XRCC1: variants seen among roughly 807,000 people sequenced by gnomAD.
The protein encoded by XRCC1 is DNA repair protein XRCC1.
In XRCC1, 52 loss-of-function variants were observed where a neutral mutation model predicts 83.3. That is an observed-to-expected ratio of 0.62 (90% CI 0.50 to 0.79). The LOEUF (loss-of-function observed/expected upper bound fraction) is 0.79. Among genes scored for constraint, XRCC1 ranks in the 30% least tolerant of loss-of-function variants. The pLI, the probability that XRCC1 is intolerant of heterozygous loss-of-function variation, is 0.00. For missense variants in XRCC1, 793 were observed against 823.5 expected, an observed-to-expected ratio of 0.96 and a Z score of 0.45; for synonymous variants, 281 against 312.6, an observed-to-expected ratio of 0.90 and a Z score of 1.07.
chr19:43,543,765 TG>T, intron 15 of XRCC1, 78 bp from the exon 16 acceptor site: 1 of 1,375,164 alleles, frequency 7.3e-7, no homozygotes. Context: ...CCACTCTCAA[TG>T]GCTGTCCCCA....
intron 10 of XRCC1, among the ~76,000 whole-genome samples, chr19:43,551,279 G>C (rs1227724665): frequency 1.3e-5 from 2 of 152,212 alleles, no homozygotes; most frequent in Non-Finnish European, 2.9e-5. Context: ...CACTTTGAAT[G>C]AATGAATATG....
Position 43,554,566 on chromosome 19 carries a change from C to T in XRCC1, c.414+80G>A, listed in dbSNP as rs1240267972. On this transcript the variant is annotated intron_variant, in intron 4 of 16. Coordinates refer to ENST00000262887, the MANE Select transcript of XRCC1 (RefSeq NM_006297.3). ...CACCAGCTGTCTACTCCTCCCAGCC[C>T]TATGGGACTCAATATTGGCCCTTAT... 23 of 1,505,306 alleles carry T rather than the reference C, an allele frequency of 1.5e-5. No individual in the cohort carries two copies. In the East Asian group the frequency reaches 4.7e-4, roughly 30 times the overall value. 93.2% of individuals were successfully genotyped at this position (1,505,306 alleles called of 1,614,324 possible).
chr19:43,571,232 C>T (rs1972804306), intron 2 of XRCC1, among the ~76,000 whole-genome samples: 1 of 152,224 alleles, frequency 6.6e-6, no homozygotes, highest in Non-Finnish European at 1.5e-5. Flanking sequence ...CTGACTCCAC[C>T]CCAGCCATAC....
intron 3 of XRCC1, among the ~76,000 whole-genome samples, chr19:43,558,629 C>CAAAT (rs200897711): frequency 3.2e-3 from 475 of 150,236 alleles, no homozygotes; most frequent in African/African-American, 0.01. Context: ...ACCCCCATCT[C>CAAAT]AAATAAATAA....
chr19:43,551,666 G>A lies in XRCC1; in HGVS notation c.1104C>T (p.Pro368=), dbSNP rs758829158. Residue 368 remains proline, a synonymous_variant, in exon 10 of 17, where the codon CCC becomes CCT. Transcript: ENST00000262887. ...CCAGGCCTAGGACCTGGCTGTACTT[G>A]GGGGTGTTGGCAAAGGCACAGCTGG... ...THLICAFANT[P]KYSQVLGLGG... 6.2e-7 allele frequency: 1 copy of A among 1,614,170 alleles called. No homozygotes were observed. The highest frequency in any genetic ancestry group is 1.7e-5 in the Admixed American group (1 of 60,026).
chr19:43,572,734 T>G (rs887180269), intron 2 of XRCC1, among the ~76,000 whole-genome samples: 2 of 152,108 alleles, frequency 1.3e-5, no homozygotes, highest in Non-Finnish European at 2.9e-5. Context: ...GGCTGAGGCA[T>G]GAGAATCATT....
In XRCC1 at chr19:43,546,044, A is replaced by T. The variant is rs370604188; in HGVS notation, c.1481+8T>A. ...CAGGGACACCCCAACCCCCAGCCCC[A>T]GCCCTACCTCCTCAGCTCATCCTCT... On this transcript the variant is annotated splice_region_variant and intron_variant, in intron 13 of 16. Transcript: ENST00000262887. 6.2e-7 allele frequency: 1 copy of T among 1,607,830 alleles called. No individual in the cohort carries two copies. The highest frequency in any genetic ancestry group is 1.4e-5 in the African/African-American group (1 of 72,762).
Position 43,553,702 on chromosome 19 carries a change from G to C in XRCC1, c.415-19C>G. 4.0e-6 allele frequency: 6 copies of C among 1,518,842 alleles called. No homozygotes were observed. Among genetic ancestry groups the C allele is most frequent in the Non-Finnish European group, 4.4e-6 (5 of 1,128,816 alleles). 94.1% of individuals were successfully genotyped at this position (1,518,842 alleles called of 1,614,324 possible). Reference sequence around the variant, plus strand: ...GGGAGTCCTGGGAAAGGAGGGGTGGGAGTCAGGGAGTCTGGCCCAAGGACA... The same window carrying C: ...GGGAGTCCTGGGAAAGGAGGGGTGGCAGTCAGGGAGTCTGGCCCAAGGACA... On this transcript the variant is annotated intron_variant, in intron 4 of 16. Coordinates refer to ENST00000262887, the MANE Select transcript of XRCC1 (RefSeq NM_006297.3).
intron 10 of XRCC1, among the ~76,000 whole-genome samples, chr19:43,548,449 G>T (rs1367031207): frequency 1.3e-5 from 2 of 152,244 alleles, no homozygotes; most frequent in Non-Finnish European, 2.9e-5. Flanking sequence ...TCTGCCTTGG[G>T]ATGCTGTTAA....
In XRCC1 at chr19:43,544,109, T is replaced by A. The variant is rs368100288; in HGVS notation, c.1712+35A>T. Reference sequence around the variant, plus strand: ...GTCCCTGAGCGTTCCCTTGGATCCATCACCCCTTCCCCACCCCAGTCCCTG... The same window carrying A: ...GTCCCTGAGCGTTCCCTTGGATCCAACACCCCTTCCCCACCCCAGTCCCTG... On this transcript the variant is annotated intron_variant, in intron 15 of 16. Coordinates refer to ENST00000262887, the MANE Select transcript of XRCC1 (RefSeq NM_006297.3). 9 of 1,536,432 alleles carry A rather than the reference T, an allele frequency of 5.9e-6. No homozygotes were observed. In the Middle Eastern group the frequency reaches 5.2e-4, roughly 89 times the overall value.
chr19:43,554,059 G>A (rs1012403148), intron 4 of XRCC1, among the ~76,000 whole-genome samples: 1 of 152,182 alleles, frequency 6.6e-6, no homozygotes, highest in African/African-American at 2.4e-5. Flanking sequence ...TGCAGAGCCA[G>A]AAAATAGGAG....
intron 2 of XRCC1, among the ~76,000 whole-genome samples, chr19:43,564,734 G>C (rs1429486671): frequency 6.6e-6 from 1 of 150,510 alleles, no homozygotes; most frequent in African/African-American, 2.5e-5. Context: ...GTTGCAGTGA[G>C]CCGAGATCAC....
chr19:43,550,235 C>G (rs3213374), intron 10 of XRCC1, among the ~76,000 whole-genome samples: 3,172 of 151,964 alleles, frequency 0.021, 109 homozygotes, highest in African/African-American at 0.073. Flanking sequence ...ACCCCATGAT[C>G]AAACCCACTA....
rs978555303 is a variant in XRCC1 at position 43,545,860 on chromosome 19, C to T, written c.1579G>A (p.Glu527Lys). 24 of 1,613,816 alleles carry T rather than the reference C, an allele frequency of 1.5e-5. No homozygotes were observed. Among genetic ancestry groups the T allele is most frequent in the Non-Finnish European group, 1.9e-5 (23 of 1,179,888 alleles). The change falls in exon 14 of 17, where the codon GAA becomes AAA. Residue 527 changes from glutamate to lysine, a missense_variant. Coordinates refer to ENST00000262887, the MANE Select transcript of XRCC1 (RefSeq NM_006297.3). ...GGCAGATCAGGAGGCTCCTGGTGTT[C>T]CTCACTGTCCGTGTTCTCATCCGTG... ...GSTDENTDSE[E>K]HQEPPDLPVP... is the part of the protein sequence containing the mutation.
chr19:43,566,667 C>T (rs1237366246), intron 2 of XRCC1, among the ~76,000 whole-genome samples: 5 of 150,714 alleles, frequency 3.3e-5, no homozygotes. Flanking sequence ...TTTCTTGAGC[C>T]CAGGAGTTCA....
intron 10 of XRCC1, among the ~76,000 whole-genome samples, chr19:43,548,034 C>T (rs1353477488): frequency 5.3e-4 from 18 of 34,034 alleles, no homozygotes; most frequent in East Asian, 4.3e-3. Flanking sequence ...GGTTCCCGTC[C>T]GGGAGGGAGG....
chr19:43,543,581 G>A (rs751612285), intron 16 of XRCC1, 31 bp downstream of exon 16: 2 of 1,613,684 alleles, frequency 1.2e-6, no homozygotes, highest in Admixed American at 1.7e-5. Flanking sequence ...GTGTGCCCGG[G>A]TCTCCCATTC....
intron 10 of XRCC1, among the ~76,000 whole-genome samples, chr19:43,549,847 T>C (rs780952408): frequency 1.3e-5 from 2 of 152,232 alleles, no homozygotes; most frequent in Non-Finnish European, 2.9e-5. Context: ...TTGTGAATTC[T>C]TTTTGTTAAG....
intron 2 of XRCC1, chr19:43,574,588 C>G (rs1054596722): frequency 3.5e-6 from 1 of 286,832 alleles, no homozygotes; most frequent in Non-Finnish European, 6.9e-6. Context: ...TGGACACCTT[C>G]CAGCCCTGAG....
Sources: gnomAD v4.1 joint callset for allele counts (sites outside exome capture counted in the v4.1 genomes callset) on GRCh38, gnomAD v4.1.1 for gene constraint, MANE v1.5 for transcripts, NCBI Gene and HGNC (gene_info 2026-07-23, HGNC 2026-07-21) for gene names.